The following WDR47 variants were observed in gnomAD, a reference collection of about 807,000 sequenced individuals.
WDR47 encodes the protein WD repeat-containing protein 47.
A neutral mutation model predicts 97.2 loss-of-function variants in WDR47; 32 were observed. That is an observed-to-expected ratio of 0.33 (90% CI 0.25 to 0.44). WDR47 has a LOEUF of 0.44. WDR47 is among the 20% of genes least tolerant of loss of function. WDR47 has a pLI of 1.00. For synonymous variants in WDR47, 375 were observed against 373.5 expected (o/e 1.00, Z -0.05); for missense variants, 782 against 1,102.3 (o/e 0.71, Z 4.11).
chr1:109,006,737 G>A (rs926121377), intron 5 of WDR47, among the ~76,000 whole-genome samples: 19 of 152,120 alleles, frequency 1.2e-4, no homozygotes, highest in African/African-American at 4.6e-4. Flanking sequence ...TCCAATTCCA[G>A]TGCCAGTCCA....
At chr1:109,039,618 A>T (rs752097406) in intron 1 of WDR47, among the ~76,000 whole-genome samples, 1 of 152,086 alleles carries the variant, frequency 6.6e-6, no homozygotes, top group Non-Finnish European at 1.5e-5. Context: ...CAACATAGAG[A>T]AAAATTAGTT....
rs1412196186 is a variant in WDR47 at position 109,002,336 on chromosome 1, C to G, written c.1321G>C (p.Glu441Gln). Residue 441 changes from glutamate to glutamine, a missense_variant, in exon 7 of 15, where the codon GAA becomes CAA. Coordinates refer to ENST00000369962, the MANE Select transcript of WDR47 (RefSeq NM_001142551.2). Reference protein sequence around the residue: ...RQRLRYQQHLEQKEQQRQIYQ... With the variant: ...RQRLRYQQHLQQKEQQRQIYQ... Reference sequence around the variant, plus strand: ...ATCTGCCGCTGTTGCTCCTTCTGTTCTAAATGCTGTTGATAGCGTAATCTT... The same window carrying G: ...ATCTGCCGCTGTTGCTCCTTCTGTTGTAAATGCTGTTGATAGCGTAATCTT... 1 of 1,613,026 alleles carries G rather than the reference C, an allele frequency of 6.2e-7. No homozygotes were observed. The highest frequency in any genetic ancestry group is 1.1e-5 in the South Asian group (1 of 90,946).
chr1:109,011,637 G>A lies in WDR47; in HGVS notation c.409C>T (p.Leu137Phe), dbSNP rs1661042923. ...CGAGGCAAAGTCAAAAGCAAACAGA[G>A]CTTACTATAGTCATCTTTAGAAGGA... is the stretch of plus-strand genomic sequence containing the variant. Reference protein sequence around the residue: ...YCPSKDDYSKLCLLLTLPRLT... With the variant: ...YCPSKDDYSKFCLLLTLPRLT... Residue 137 changes from leucine (L) to phenylalanine (F), a missense_variant, in exon 5 of 15, where the codon CTC becomes TTC. By Grantham distance (22) the Leu-to-Phe change is conservative. Coordinates refer to ENST00000369962, the MANE Select transcript of WDR47 (RefSeq NM_001142551.2). 4 of 1,613,994 alleles carry A rather than the reference G, an allele frequency of 2.5e-6. No individual in the cohort carries two copies. The highest frequency in any genetic ancestry group is 3.4e-6 in the Non-Finnish European group (4 of 1,180,036).
intron 2 of WDR47, among the ~76,000 whole-genome samples, chr1:109,018,829 A>C (rs929671185): frequency 2.0e-5 from 3 of 151,856 alleles, no homozygotes; most frequent in Non-Finnish European, 4.4e-5. Flanking sequence ...AACACACACA[A>C]AAAAGAAAGA....
Position 109,000,508 on chromosome 1 carries a change from CAAAAAAA to C in WDR47, c.1433+1709_1433+1715del, listed in dbSNP as rs71069634. 5.7e-5 allele frequency among the ~76,000 whole-genome samples: 4 copies of C among 70,512 alleles called. No individual in the cohort carries two copies. In the South Asian group the frequency reaches 2.0e-3, roughly 36 times the overall value. The allele number at this position is 70,512 out of a possible 152,430, so 46.3% of individuals were successfully genotyped here. ...TGGGCGACAGAGCTAGACTCTGTCT[CAAAAAAA>C]AAAAAAAAAAAAAGGCCAGGCGTGG... On this transcript the variant is annotated intron_variant, in intron 7 of 14. Transcript: ENST00000369962.
intron 1 of WDR47, among the ~76,000 whole-genome samples, chr1:109,030,943 C>T (rs928259187): frequency 2.9e-5 from 4 of 139,084 alleles, no homozygotes; most frequent in African/African-American, 1.0e-4. Context: ...TAAGGGGATT[C>T]GTTTGTCTAA....
intron 1 of WDR47, among the ~76,000 whole-genome samples, chr1:109,028,660 C>T (rs910289469): frequency 6.6e-6 from 1 of 150,994 alleles, no homozygotes; most frequent in African/African-American, 2.4e-5. Flanking sequence ...ACCATGTTGG[C>T]CAAGATGGTC....
intron 3 of WDR47, among the ~76,000 whole-genome samples, chr1:109,014,750 T>C (rs1252114556): frequency 6.6e-6 from 1 of 152,146 alleles, no homozygotes; most frequent in African/African-American, 2.4e-5. Context: ...TTAAAGCTTT[T>C]TAACAAGAGT....
At chr1:108,976,099 G>C (rs1657867748) in intron 13 of WDR47, among the ~76,000 whole-genome samples, 1 of 152,156 alleles carries the variant, frequency 6.6e-6, no homozygotes, top group Non-Finnish European at 1.5e-5. Context: ...ATCATTGTAG[G>C]TTTCTAAGCA....
chr1:109,038,165 ATGT>A (rs1663092840), intron 1 of WDR47, among the ~76,000 whole-genome samples: 1 of 152,114 alleles, frequency 6.6e-6, no homozygotes, highest in Non-Finnish European at 1.5e-5. Context: ...TTAAAACAGG[ATGT>A]TGACTTGTAA....
chr1:108,979,992 T>C (rs145585309), intron 13 of WDR47, among the ~76,000 whole-genome samples: 1 of 152,168 alleles, frequency 6.6e-6, no homozygotes, highest in East Asian at 1.9e-4. Context: ...GTGGTGGCAT[T>C]AGATGCTCAC....
intron 1 of WDR47, among the ~76,000 whole-genome samples, chr1:109,039,146 T>G (rs1237635276): frequency 1.3e-5 from 2 of 152,202 alleles, no homozygotes; most frequent in African/African-American, 4.8e-5. Context: ...GAGCATTTAC[T>G]ATGTATTAAC....
At position 108,972,523 on chromosome 1, in the gene WDR47, G is replaced by A. The variant is rs1375968255; in HGVS notation, c.2618-951C>T. 5.3e-5 allele frequency among the ~76,000 whole-genome samples: 8 copies of A among 152,296 alleles called. No individual in the cohort carries two copies. In the South Asian group the frequency reaches 8.3e-4, roughly 16 times the overall value. On this transcript the variant is annotated intron_variant, in intron 14 of 14. Coordinates refer to ENST00000369962, the MANE Select transcript of WDR47 (RefSeq NM_001142551.2). ...CAACTATAATAAATGTACCACTGTG[G>A]AAGGGGATACTGATAATGGGGGAGG...
At chr1:109,013,492 CAG>C (rs1295976037) in intron 4 of WDR47, among the ~76,000 whole-genome samples, 1 of 150,012 alleles carries the variant, frequency 6.7e-6, no homozygotes, top group Admixed American at 6.6e-5. Context: ...ACAGAAAAGA[CAG>C]AGAAAAAGGA....
chr1:109,020,136 G>A lies in WDR47; in HGVS notation c.159-2535C>T, dbSNP rs375571818. On this transcript the variant is annotated intron_variant, in intron 2 of 14. Coordinates refer to ENST00000369962, the MANE Select transcript of WDR47 (RefSeq NM_001142551.2). ...TTTAAATAAAAATAAGGCAATCACT[G>A]TATATCATAATCATTTTATAAAGGT... Among the ~76,000 whole-genome samples, 216 of 151,768 alleles carry A rather than the reference G, an allele frequency of 1.4e-3. 4 individuals carry two copies. The highest frequency in any genetic ancestry group is 6.8e-4 in the Non-Finnish European group (46 of 67,962).
intron 1 of WDR47, among the ~76,000 whole-genome samples, chr1:109,033,558 AAAG>A (rs1279777474): frequency 6.6e-6 from 1 of 152,224 alleles, no homozygotes; most frequent in African/African-American, 2.4e-5. Flanking sequence ...GAAAAAGAAA[AAAG>A]AAGACCCGAT....
intron 1 of WDR47, chr1:109,029,965 T>C (rs1662501300): frequency 7.7e-6 from 3 of 387,754 alleles, no homozygotes; most frequent in Non-Finnish European, 1.4e-5. Flanking sequence ...ATGGAAAAAC[T>C]TCATGAAAAA....
chr1:109,025,834 T>C (rs1662175651), intron 1 of WDR47, among the ~76,000 whole-genome samples: 1 of 152,144 alleles, frequency 6.6e-6, no homozygotes, highest in South Asian at 2.1e-4. Context: ...AAATATTTAA[T>C]GACATCAGAC....
chr1:109,028,181 G>A (rs992243983), intron 1 of WDR47, among the ~76,000 whole-genome samples: 4 of 152,030 alleles, frequency 2.6e-5, no homozygotes, highest in Admixed American at 6.6e-5. Context: ...AGATGACTAT[G>A]GTTTTGTTTG....
Sources: allele counts gnomAD v4.1 joint callset (sites outside exome capture counted in the v4.1 genomes callset), GRCh38; gene constraint gnomAD v4.1.1; transcripts MANE v1.5; gene names NCBI Gene and HGNC (gene_info 2026-07-23, HGNC 2026-07-21).